Variants in LSAMP observed in about 807,000 individuals in gnomAD.
The protein encoded by LSAMP is limbic system-associated membrane protein.
LSAMP carries 7 observed loss-of-function variants against 38.6 expected under a neutral mutation model. The ratio of observed to expected loss-of-function variants is 0.18; its 90% CI spans 0.10 to 0.34. LSAMP has a LOEUF of 0.34. Ranked by LOEUF, LSAMP falls within the 10% of genes least tolerant of loss-of-function variation. LSAMP has a pLI of 1.00. For missense variants in LSAMP, 313 were observed against 420.0 expected, an observed-to-expected ratio of 0.75 and a Z score of 2.23; for synonymous variants, 154 against 166.8, an observed-to-expected ratio of 0.92 and a Z score of 0.59.
At chr3:116,317,329 T>A (rs1272549285) in intron 1 of LSAMP, among the ~76,000 whole-genome samples, 2 of 151,444 alleles carry the variant, frequency 1.3e-5, no homozygotes, top group Non-Finnish European at 2.9e-5. Context: ...CCGGACACAA[T>A]ACAAAGAGAG....
intron 1 of LSAMP, among the ~76,000 whole-genome samples, chr3:116,095,917 G>A (rs1046604698): frequency 6.6e-6 from 1 of 152,170 alleles, no homozygotes; most frequent in African/African-American, 2.4e-5. Flanking sequence ...GAAAGGCAGC[G>A]TGGTGGGGTG....
rs533501507 is a variant in LSAMP at position 116,130,130 on chromosome 3, T to C, written c.156-43574A>G. On this transcript the variant is annotated intron_variant, in intron 1 of 6. Coordinates refer to ENST00000490035, the MANE Select transcript of LSAMP (RefSeq NM_002338.5). ...GGTAATTGTGCTGAAAAATATGCTT[T>C]CTAGCTCATTTCATGGCTGCCCTAC... is the stretch of plus-strand genomic sequence containing the variant. 5.3e-5 allele frequency among the ~76,000 whole-genome samples: 8 copies of C among 152,320 alleles called. No homozygotes were observed. The South Asian group carries it at 1.7e-3, about 32-fold the overall frequency.
At chr3:115,930,002 G>GTGTTTTT (rs1937554734) in intron 3 of LSAMP, among the ~76,000 whole-genome samples, 2 of 80,292 alleles carry the variant, frequency 2.5e-5, no homozygotes, top group Admixed American at 2.1e-4. Context: ...TTTAGCAGAA[G>GTGTTTTT]TTTTTTTTTT....
At chr3:116,258,488 G>T (rs1407622895) in intron 1 of LSAMP, among the ~76,000 whole-genome samples, 1 of 151,374 alleles carries the variant, frequency 6.6e-6, no homozygotes, top group Non-Finnish European at 1.5e-5. Flanking sequence ...AGAATGTCAG[G>T]GATGAATTTT....
intron 1 of LSAMP, among the ~76,000 whole-genome samples, chr3:116,179,503 G>A (rs7618443): frequency 0.84 from 127,789 of 152,094 alleles, 53,903 homozygotes; most frequent in South Asian, 0.91. Context: ...TTTATAAAGA[G>A]AAGAGGTTTA....
intron 1 of LSAMP, among the ~76,000 whole-genome samples, chr3:116,306,591 G>A (rs1367420753): frequency 6.6e-6 from 1 of 151,980 alleles, no homozygotes; most frequent in African/African-American, 2.4e-5. Flanking sequence ...TTTAACCTGA[G>A]TGCCATCTCA....
chr3:116,287,178 C>T (rs2107688851), intron 1 of LSAMP, among the ~76,000 whole-genome samples: 1 of 151,944 alleles, frequency 6.6e-6, no homozygotes, highest in South Asian at 2.1e-4. Flanking sequence ...TGTGTGTGTA[C>T]ATGTATATGG....
chr3:116,272,183 C>T (rs1412938632), intron 1 of LSAMP, among the ~76,000 whole-genome samples: 1 of 151,772 alleles, frequency 6.6e-6, no homozygotes, highest in Non-Finnish European at 1.5e-5. Context: ...AACACAGAAA[C>T]TATGTATGTG....
intron 1 of LSAMP, among the ~76,000 whole-genome samples, chr3:116,284,394 T>A (rs1210997234): frequency 2.0e-5 from 3 of 152,224 alleles, no homozygotes; most frequent in African/African-American, 7.2e-5. Context: ...ATAATTTTTG[T>A]CTAGGAGATA....
At chr3:116,305,928 C>T (rs1397689216) in intron 1 of LSAMP, among the ~76,000 whole-genome samples, 1 of 80,336 alleles carries the variant, frequency 1.2e-5, no homozygotes, top group Non-Finnish European at 2.7e-5. Flanking sequence ...GAAATTATTT[C>T]AGTGCTTTTT....
At chr3:116,281,285 C>T (rs1474988226) in intron 1 of LSAMP, among the ~76,000 whole-genome samples, 1 of 152,134 alleles carries the variant, frequency 6.6e-6, no homozygotes, top group Non-Finnish European at 1.5e-5. Context: ...AAACTTTTGC[C>T]TTCTATTTTT....
chr3:116,133,002 T>C (rs944956627), intron 1 of LSAMP, among the ~76,000 whole-genome samples: 9 of 152,216 alleles, frequency 5.9e-5, no homozygotes, highest in African/African-American at 1.7e-4. Flanking sequence ...TTATAAATGG[T>C]GCCTCAGATC....
At chr3:116,070,079 T>C (rs1707565105) in intron 2 of LSAMP, among the ~76,000 whole-genome samples, 1 of 152,162 alleles carries the variant, frequency 6.6e-6, no homozygotes, top group Non-Finnish European at 1.5e-5. Context: ...TTGCATTATT[T>C]CAGGAAATAA....
intron 2 of LSAMP, among the ~76,000 whole-genome samples, chr3:116,049,552 T>C (rs1036623200): frequency 2.6e-5 from 4 of 152,212 alleles, no homozygotes; most frequent in Non-Finnish European, 5.9e-5. Context: ...GTTACTTACA[T>C]AATATGGTGG....
At chr3:116,359,312 T>C (rs1266111843) in intron 1 of LSAMP, among the ~76,000 whole-genome samples, 2 of 152,182 alleles carry the variant, frequency 1.3e-5, no homozygotes, top group East Asian at 3.8e-4. Flanking sequence ...ACTCAAAAAG[T>C]GTTCAAATAA....
intron 1 of LSAMP, among the ~76,000 whole-genome samples, chr3:116,248,271 G>T (rs889863571): frequency 3.9e-5 from 6 of 152,168 alleles, no homozygotes; most frequent in Non-Finnish European, 5.9e-5. Flanking sequence ...TCAGGACCTT[G>T]AAGGATGAGT....
At chr3:116,248,477 ATGTGTGTGTGTGTGTGTGTGTGTGTG>A (rs3028670) in intron 1 of LSAMP, among the ~76,000 whole-genome samples, 6 of 141,072 alleles carry the variant, frequency 4.3e-5, no homozygotes, top group East Asian at 2.1e-4. Flanking sequence ...CCTGTCTCTA[ATGTGTGTGTGTGTGTGTGTGTGTGTG>A]TGTGTGTGTG....
At chr3:116,255,811 A>C (rs1474768818) in intron 1 of LSAMP, among the ~76,000 whole-genome samples, 7 of 152,214 alleles carry the variant, frequency 4.6e-5, no homozygotes, top group African/African-American at 1.7e-4. Flanking sequence ...AAAAAAATGT[A>C]TGCTTCCAGG....
intron 1 of LSAMP, among the ~76,000 whole-genome samples, chr3:116,322,428 T>A (rs1311753030): frequency 1.3e-5 from 2 of 152,192 alleles, no homozygotes; most frequent in Non-Finnish European, 1.5e-5. Flanking sequence ...AAAAATAGAT[T>A]TTTTGGTTCT....
Sources: gnomAD v4.1 joint callset for allele counts (sites outside exome capture counted in the v4.1 genomes callset) on GRCh38, gnomAD v4.1.1 for gene constraint, MANE v1.5 for transcripts, NCBI Gene and HGNC (gene_info 2026-07-23, HGNC 2026-07-21) for gene names.